The following DDAH1 variants were observed in gnomAD, a reference collection of about 807,000 sequenced individuals.
DDAH1 encodes N(G),N(G)-dimethylarginine dimethylaminohydrolase 1.
A neutral mutation model predicts 28.8 loss-of-function variants in DDAH1; 19 were observed. The ratio of observed to expected loss-of-function variants is 0.66; its 90% CI spans 0.46 to 0.97. DDAH1 has a LOEUF of 0.97. DDAH1 is among the 50% of genes least tolerant of loss of function. The pLI is 0.00. For synonymous variants in DDAH1, 153 were observed against 154.4 expected, an observed-to-expected ratio of 0.99 and a Z score of 0.07; for missense variants, 326 against 375.9, an observed-to-expected ratio of 0.87 and a Z score of 1.10.
intron 1 of DDAH1, among the ~76,000 whole-genome samples, chr1:85,410,547 G>T (rs1050103906): frequency 6.6e-6 from 1 of 150,894 alleles, no homozygotes; most frequent in Middle Eastern, 3.5e-3. Flanking sequence ...GCTGAGGCAG[G>T]AGAATCACTT....
chr1:85,380,927 G>T (rs550705550), intron 1 of DDAH1, among the ~76,000 whole-genome samples: 11 of 152,126 alleles, frequency 7.2e-5, no homozygotes, highest in Non-Finnish European at 1.6e-4. Flanking sequence ...TTTCAGAGAA[G>T]AAACTATAGA....
chr1:85,561,823 A>G (rs1659148941), intron 1 of DDAH1, among the ~76,000 whole-genome samples: 1 of 152,218 alleles, frequency 6.6e-6, no homozygotes, highest in Non-Finnish European at 1.5e-5. Context: ...CTTAGAACGT[A>G]TACTTCTATG....
At chr1:85,432,338 A>G (rs75819628) in intron 1 of DDAH1, among the ~76,000 whole-genome samples, 478 of 152,334 alleles carry the variant, frequency 3.1e-3, no homozygotes, top group African/African-American at 0.011. Flanking sequence ...TGATAAATCA[A>G]TGACACAACT....
intron 1 of DDAH1, among the ~76,000 whole-genome samples, chr1:85,513,080 A>G (rs1308998771): frequency 4.6e-5 from 7 of 152,230 alleles, no homozygotes; most frequent in African/African-American, 1.7e-4. Flanking sequence ...TGGAGGCATC[A>G]CGCTACCTGA....
At chr1:85,497,947 T>C (rs1200490221) in intron 1 of DDAH1, among the ~76,000 whole-genome samples, 1 of 152,228 alleles carries the variant, frequency 6.6e-6, no homozygotes, top group East Asian at 1.9e-4. Context: ...CTAGAATTAC[T>C]GACAATTCAA....
chr1:85,350,017 G>A (rs1400694670), intron 4 of DDAH1, among the ~76,000 whole-genome samples: 2 of 152,144 alleles, frequency 1.3e-5, no homozygotes, highest in South Asian at 2.1e-4. Flanking sequence ...TAGTCCAGAC[G>A]CAACAAAAGG....
intron 1 of DDAH1, among the ~76,000 whole-genome samples, chr1:85,400,886 G>T (rs1268942137): frequency 6.6e-6 from 1 of 152,054 alleles, no homozygotes; most frequent in Non-Finnish European, 1.5e-5. Context: ...TCTTTTGATT[G>T]GTTCTACCTT....
chr1:85,442,306 GC>G (rs1654234743), intron 1 of DDAH1, among the ~76,000 whole-genome samples: 1 of 152,124 alleles, frequency 6.6e-6, no homozygotes, highest in Non-Finnish European at 1.5e-5. Flanking sequence ...GTGATAGTTT[GC>G]TGAGAATGAT....
In DDAH1 at chr1:85,465,076, G is replaced by GGAGGCGGCCGGGTCCTGCC. The variant is rs1187861183; in HGVS notation, c.-32_-31insGGCAGGACCCGGCCGCCTC. The GGAGGCGGCCGGGTCCTGCC allele has an allele frequency of 8.2e-7, 1 of 1,221,266 alleles. No homozygotes were observed. Among genetic ancestry groups the GGAGGCGGCCGGGTCCTGCC allele is most frequent in the African/African-American group, 1.6e-5 (1 of 63,518 alleles). 75.7% of individuals were successfully genotyped at this position (1,221,266 alleles called of 1,614,324 possible). On this transcript the variant is annotated 5_prime_UTR_variant, in exon 1 of 6. Coordinates refer to ENST00000284031, the MANE Select transcript of DDAH1 (RefSeq NM_012137.4). ...CGGGAGGCTTAGGGGCGGCGGCGGCGGCGGAGGCGGCCGGGTCCTGCCGCG... is the reference window on the plus strand; with the variant it reads ...CGGGAGGCTTAGGGGCGGCGGCGGCGGAGGCGGCCGGGTCCTGCCGCGGAGGCGGCCGGGTCCTGCCGCG...
At chr1:85,485,651 A>T (rs978152703) in intron 2 of DDAH1, among the ~76,000 whole-genome samples, 1 of 152,180 alleles carries the variant, frequency 6.6e-6, no homozygotes, top group Non-Finnish European at 1.5e-5. Flanking sequence ...GCTCAAATGT[A>T]TACTGAACTC....
intron 1 of DDAH1, among the ~76,000 whole-genome samples, chr1:85,510,643 G>T (rs1385427350): frequency 3.9e-5 from 6 of 152,102 alleles, no homozygotes; most frequent in Admixed American, 3.9e-4. Flanking sequence ...CGAAATAAAG[G>T]GATGGAGGAA....
At chr1:85,545,902 G>A (rs959862086) in intron 1 of DDAH1, among the ~76,000 whole-genome samples, 1 of 151,974 alleles carries the variant, frequency 6.6e-6, no homozygotes, top group African/African-American at 2.4e-5. Flanking sequence ...AACTCCCTGA[G>A]TTTGACTTGG....
intron 1 of DDAH1, among the ~76,000 whole-genome samples, chr1:85,508,413 CG>C (rs1238331605): frequency 6.6e-6 from 1 of 152,178 alleles, no homozygotes; most frequent in Non-Finnish European, 1.5e-5. Flanking sequence ...ACGCTGAAGA[CG>C]GGTGATTTCC....
At chr1:85,443,124 T>C (rs901597212) in intron 1 of DDAH1, among the ~76,000 whole-genome samples, 1 of 152,232 alleles carries the variant, frequency 6.6e-6, no homozygotes, top group Admixed American at 6.5e-5. Context: ...TGAATGGTAT[T>C]GTCTGGGTTT....
At chr1:85,342,736 A>G (rs1417666819) in intron 4 of DDAH1, among the ~76,000 whole-genome samples, 1 of 152,202 alleles carries the variant, frequency 6.6e-6, no homozygotes, top group Non-Finnish European at 1.5e-5. Flanking sequence ...CTTCAGGTGC[A>G]CATTATTCGG....
intron 4 of DDAH1, among the ~76,000 whole-genome samples, chr1:85,338,708 A>G (rs1350033399): frequency 1.3e-5 from 2 of 152,262 alleles, no homozygotes; most frequent in East Asian, 3.9e-4. Flanking sequence ...ATTCTTGGGT[A>G]CATTAAAGTT....
rs764936385 is a variant in DDAH1 at position 85,464,846 on chromosome 1, G to C, written c.200C>G (p.Ala67Gly). ...GACGCAGTCCGGAAGGCTCTCGTCG[G>C]CCGGCAGCTCCACCACCTGCAGCCC... ...KLGLQVVELPADESLPDCVFV... is the reference protein window; with the variant it reads ...KLGLQVVELPGDESLPDCVFV... The change falls in exon 1 of 6, where the codon GCC becomes GGC. Residue 67 changes from alanine to glycine, a missense_variant. By Grantham distance (60) the Ala-to-Gly change is moderately conservative. Transcript: ENST00000284031. The surrounding 1 kb of genome is among the most constrained non-coding windows in gnomAD (Gnocchi z 4.4). 1 of 1,587,648 alleles carries C rather than the reference G, an allele frequency of 6.3e-7. No homozygotes were observed. Among genetic ancestry groups the C allele is most frequent in the Admixed American group, 1.7e-5 (1 of 58,758 alleles).
chr1:85,356,197 C>T (rs903032075), intron 2 of DDAH1, among the ~76,000 whole-genome samples: 1 of 152,088 alleles, frequency 6.6e-6, no homozygotes, highest in Non-Finnish European at 1.5e-5. Flanking sequence ...TTTTAATGTA[C>T]TCTATATTTC....
At chr1:85,390,928 T>C (rs1238607640) in intron 1 of DDAH1, among the ~76,000 whole-genome samples, 1 of 152,184 alleles carries the variant, frequency 6.6e-6, no homozygotes. Flanking sequence ...AGACCATTCA[T>C]ATAACTGTAC....
Sources: allele counts gnomAD v4.1 joint callset (sites outside exome capture counted in the v4.1 genomes callset), GRCh38; gene constraint gnomAD v4.1.1; non-coding constraint Gnocchi (gnomAD v3.1); transcripts MANE v1.5; gene names NCBI Gene and HGNC (gene_info 2026-07-23, HGNC 2026-07-21).